Variants in RAD21L1 observed in about 807,000 individuals in gnomAD.
RAD21L1 encodes double-strand-break repair protein rad21-like protein 1.
Under a neutral mutation model 69.0 loss-of-function variants are expected in RAD21L1, and 47 were observed. That is an observed-to-expected ratio of 0.68 (90% confidence interval 0.54 to 0.87). The LOEUF (loss-of-function observed/expected upper bound fraction) is 0.87. RAD21L1 is among the 40% of genes least tolerant of loss of function. The probability of loss-of-function intolerance (pLI) is 0.00; values close to 1 mark genes in which losing one functional copy is unlikely to be tolerated. For missense variants in RAD21L1, 583 were observed against 647.6 expected (o/e 0.90, Z 1.08); for synonymous variants, 177 against 205.8 (o/e 0.86, Z 1.20).
chr20:1,230,056 T>A (rs2087359103), intron 3 of RAD21L1, 47 bp downstream of exon 3: 4 of 1,443,558 alleles, frequency 2.8e-6, no homozygotes, highest in Non-Finnish European at 3.8e-6. Flanking sequence ...CCCTTTTGCA[T>A]TTTAATTGGG....
At chr20:1,248,431 G>A (rs1182502813) in intron 12 of RAD21L1, among the ~76,000 whole-genome samples, 195 bp from the exon 13 acceptor site, 4 of 152,092 alleles carry the variant, frequency 2.6e-5, no homozygotes, top group Non-Finnish European at 5.9e-5. Flanking sequence ...GAGTACAGGT[G>A]TAATTGTGCA....
intron 13 of RAD21L1, among the ~76,000 whole-genome samples, chr20:1,249,650 G>A (rs755102687): frequency 2.5e-4 from 38 of 152,128 alleles, no homozygotes; most frequent in Non-Finnish European, 4.1e-4. Context: ...TCACATTGAC[G>A]CATCTAGCTG....
chr20:1,233,441 G>C (rs2087433381), intron 4 of RAD21L1, among the ~76,000 whole-genome samples: 1 of 152,152 alleles, frequency 6.6e-6, no homozygotes, highest in Non-Finnish European at 1.5e-5. Context: ...ATACCTCAGA[G>C]GCCAAGAGAA....
chr20:1,241,775 A>C (rs1039491641), intron 8 of RAD21L1, among the ~76,000 whole-genome samples: 6 of 152,204 alleles, frequency 3.9e-5, no homozygotes, highest in Non-Finnish European at 8.8e-5. Context: ...ATCAGCCAGC[A>C]AGCAGGTTCC....
chr20:1,239,483 G>A (rs1568520961), intron 7 of RAD21L1, 76 bp downstream of exon 7: 1 of 750,366 alleles, frequency 1.3e-6, no homozygotes, highest in Non-Finnish European at 2.3e-6. Context: ...AATTTAAGTA[G>A]CAATATAGTA....
In RAD21L1 at chr20:1,246,749, G is replaced by C. The variant is rs982163963; in HGVS notation, c.1401+444G>C. ...GGCACAAGGCTTGTATCTATACAAG[G>C]CTTCTGGAAATCTGAAACAAAATAA... is the stretch of plus-strand genomic sequence containing the variant. On this transcript the variant is annotated intron_variant, in intron 12 of 13. Coordinates refer to ENST00000683101, the MANE Select transcript of RAD21L1 (RefSeq NM_001384355.1). The surrounding 1 kb of genome is among the most constrained non-coding windows in gnomAD (Gnocchi z 4.6). 4.6e-5 allele frequency among the ~76,000 whole-genome samples: 7 copies of C among 152,190 alleles called. No individual in the cohort carries two copies. The highest frequency in any genetic ancestry group is 1.2e-4 in the African/African-American group (5 of 41,526).
chr20:1,248,397 C>T (rs938643944), intron 12 of RAD21L1, among the ~76,000 whole-genome samples: 1 of 152,086 alleles, frequency 6.6e-6, no homozygotes, highest in African/African-American at 2.4e-5. Flanking sequence ...TATTTTGGAG[C>T]CTCTTATCAG....
chr20:1,227,065 G>C (rs1212216312), intron 1 of RAD21L1, among the ~76,000 whole-genome samples: 5 of 152,032 alleles, frequency 3.3e-5, no homozygotes, highest in Admixed American at 6.6e-5. Flanking sequence ...GCCCGCCACC[G>C]TGCCTGGCTA....
intron 5 of RAD21L1, 73 bp from the exon 6 acceptor site, chr20:1,237,971 A>G: frequency 1.3e-6 from 1 of 747,812 alleles, no homozygotes; most frequent in Non-Finnish European, 2.0e-6. Flanking sequence ...ATGCTAGATG[A>G]TATCTGAATT....
At chr20:1,231,235 T>C (rs1286233419) in intron 3 of RAD21L1, among the ~76,000 whole-genome samples, 3 of 152,254 alleles carry the variant, frequency 2.0e-5, no homozygotes, top group African/African-American at 7.2e-5. Flanking sequence ...TGAATGTCAC[T>C]AGATGATGCC....
intron 5 of RAD21L1, among the ~76,000 whole-genome samples, chr20:1,234,442 A>G (rs539482839): frequency 6.6e-6 from 1 of 152,234 alleles, no homozygotes; most frequent in Non-Finnish European, 1.5e-5. Flanking sequence ...ATCAATAGAC[A>G]GGGCAGTACC....
At chr20:1,250,249 T>A (rs992456101) in intron 13 of RAD21L1, among the ~76,000 whole-genome samples, 1 of 150,544 alleles carries the variant, frequency 6.6e-6, no homozygotes, top group African/African-American at 2.4e-5. Context: ...TTTCTTTTTT[T>A]TTCTTTTTTT....
At chr20:1,242,488 C>T in intron 8 of RAD21L1, 131 bp from the exon 9 acceptor site, 1 of 702,634 alleles carries the variant, frequency 1.4e-6, no homozygotes, top group Non-Finnish European at 2.5e-6. Context: ...CCACCTCAGC[C>T]TCTTGAAGTG....
In RAD21L1 at chr20:1,246,782, G is replaced by A. The variant is rs1253783802; in HGVS notation, c.1401+477G>A. ...AAATCTGAAACAAAATAATCTGGTA[G>A]TCAGAGGGCCACATGTCAATAGCAA... On this transcript the variant is annotated intron_variant, in intron 12 of 13. Coordinates refer to ENST00000683101, the MANE Select transcript of RAD21L1 (RefSeq NM_001384355.1). This position sits in a 1 kb window ranked among gnomAD's most constrained non-coding sequence, Gnocchi z 4.6. Among the ~76,000 whole-genome samples, 15 of 152,094 alleles carry A rather than the reference G, an allele frequency of 9.9e-5. No individual in the cohort carries two copies. The highest frequency in any genetic ancestry group is 1.5e-5 in the Non-Finnish European group (1 of 68,006).
chr20:1,243,959 C>G, intron 10 of RAD21L1, 87 bp from the exon 11 acceptor site: 1 of 1,180,248 alleles, frequency 8.5e-7, no homozygotes, highest in Non-Finnish European at 1.2e-6. Flanking sequence ...ACATGTCTGT[C>G]AGAAGTTTTC....
Position 1,245,098 on chromosome 20 carries a change from G to T in RAD21L1, c.1308+928G>T, listed in dbSNP as rs115632912. 4.9e-3 allele frequency among the ~76,000 whole-genome samples: 751 copies of T among 152,256 alleles called. 4 individuals carry two copies. Among genetic ancestry groups the T allele is most frequent in the African/African-American group, 0.017 (719 of 41,554 alleles). On this transcript the variant is annotated intron_variant, in intron 11 of 13. Transcript: ENST00000683101. ...GGAAAATACAACTGCAGTTATCACA[G>T]ATATAACAAGATAGATTGTCCCATG...
chr20:1,249,493 G>A (rs2087784066), intron 13 of RAD21L1, among the ~76,000 whole-genome samples: 1 of 152,194 alleles, frequency 6.6e-6, no homozygotes, highest in South Asian at 2.1e-4. Flanking sequence ...TCACAAAGTT[G>A]TCAGGGACCC....
intron 5 of RAD21L1, 98 bp downstream of exon 5, chr20:1,234,289 C>A: frequency 1.5e-6 from 1 of 647,998 alleles, no homozygotes; most frequent in Non-Finnish European, 2.8e-6. Context: ...TAGAATGAAT[C>A]TTTTGATGTG....
chr20:1,238,569 G>A (rs2087545629), intron 6 of RAD21L1, among the ~76,000 whole-genome samples: 1 of 151,810 alleles, frequency 6.6e-6, no homozygotes, highest in Non-Finnish European at 1.5e-5. Context: ...ACATTGTGGG[G>A]CAGCTAAGTT....
Sources: gnomAD v4.1 joint callset for allele counts (sites outside exome capture counted in the v4.1 genomes callset) on GRCh38, gnomAD v4.1.1 for gene constraint, Gnocchi (gnomAD v3.1) non-coding constraint, MANE v1.5 for transcripts, NCBI Gene and HGNC (gene_info 2026-07-23, HGNC 2026-07-21) for gene names.